Variants in SIK3 observed in about 807,000 individuals in gnomAD.
SIK3 encodes the protein SIK family kinase 3.
SIK3 carries 28 observed loss-of-function variants against 144.2 expected under a neutral mutation model. The ratio of observed to expected loss-of-function variants is 0.19; its 90% CI spans 0.14 to 0.27. The LOEUF is 0.27. SIK3 is among the 10% of genes least tolerant of loss of function. The pLI, the probability that SIK3 is intolerant of heterozygous loss-of-function variation, is 1.00. For synonymous variants in SIK3, 686 were observed against 676.3 expected (o/e 1.01, Z -0.22); for missense variants, 1,319 against 1,776.0 (o/e 0.74, Z 4.62).
chr11:117,097,622 T>A (rs1955535588), intron 1 of SIK3, among the ~76,000 whole-genome samples: 1 of 152,188 alleles, frequency 6.6e-6, no homozygotes, highest in South Asian at 2.1e-4. Flanking sequence ...GGCACCAGGA[T>A]CCTGGGACCT....
At chr11:116,890,977 G>T (rs777150230) in intron 6 of SIK3, among the ~76,000 whole-genome samples, 1 of 152,130 alleles carries the variant, frequency 6.6e-6, no homozygotes, top group African/African-American at 2.4e-5. Flanking sequence ...AAATGGAATA[G>T]AATAAAATAT....
At chr11:117,097,808 G>A (rs1259134120) in intron 1 of SIK3, among the ~76,000 whole-genome samples, 1 of 152,026 alleles carries the variant, frequency 6.6e-6, no homozygotes, top group Non-Finnish European at 1.5e-5. Context: ...AGAGTCTTCT[G>A]GGCTTACAGT....
intron 1 of SIK3, among the ~76,000 whole-genome samples, chr11:116,990,188 T>C (rs1950453770): frequency 6.6e-6 from 1 of 152,174 alleles, no homozygotes; most frequent in Non-Finnish European, 1.5e-5. Context: ...TACTTACCAA[T>C]ACCAATCACT....
intron 1 of SIK3, among the ~76,000 whole-genome samples, chr11:116,957,501 T>C (rs1344663691): frequency 6.6e-6 from 1 of 152,192 alleles, no homozygotes; most frequent in Non-Finnish European, 1.5e-5. Flanking sequence ...TAAGGTTCTA[T>C]GAGAACTTTC....
At chr11:116,894,429 A>G (rs1326102787) in intron 6 of SIK3, among the ~76,000 whole-genome samples, 1 of 152,172 alleles carries the variant, frequency 6.6e-6, no homozygotes. Context: ...CATGTCTAAA[A>G]CATCTCTCCA....
chr11:117,072,380 C>T (rs901231840), intron 1 of SIK3, among the ~76,000 whole-genome samples: 3 of 151,458 alleles, frequency 2.0e-5, no homozygotes, highest in Admixed American at 6.6e-5. Context: ...AGCAAAACTC[C>T]GTCTCAAAAA....
At chr11:117,033,804 G>T (rs1319999669) in intron 1 of SIK3, among the ~76,000 whole-genome samples, 1 of 151,306 alleles carries the variant, frequency 6.6e-6, no homozygotes, top group Admixed American at 6.6e-5. Flanking sequence ...TCTGATAATG[G>T]ATATAAGAAG....
intron 6 of SIK3, among the ~76,000 whole-genome samples, chr11:116,884,615 T>A (rs1432878700): frequency 1.3e-5 from 2 of 151,984 alleles, no homozygotes; most frequent in African/African-American, 2.4e-5. Flanking sequence ...CATCTCGGCC[T>A]CCCAAAGTGA....
chr11:116,955,514 A>T (rs1949106925), intron 2 of SIK3, among the ~76,000 whole-genome samples: 1 of 152,252 alleles, frequency 6.6e-6, no homozygotes, highest in Non-Finnish European at 1.5e-5. Context: ...GGAAATCCTC[A>T]TAGGCTAATC....
At chr11:117,079,261 C>G (rs1410320787) in intron 1 of SIK3, among the ~76,000 whole-genome samples, 5 of 152,154 alleles carry the variant, frequency 3.3e-5, no homozygotes, top group Admixed American at 6.5e-5. Context: ...GAAAAGACAG[C>G]ACACTCAATG....
chr11:116,921,242 T>C (rs1408021565), intron 4 of SIK3, among the ~76,000 whole-genome samples: 1 of 152,220 alleles, frequency 6.6e-6, no homozygotes, highest in Non-Finnish European at 1.5e-5. Context: ...ACTTTTTTAA[T>C]AAGATATATT....
intron 14 of SIK3, chr11:116,869,629 C>T (rs991982645): frequency 1.3e-5 from 2 of 152,460 alleles, no homozygotes; most frequent in East Asian, 1.9e-4. Context: ...CTGGTGAAAC[C>T]CCCTCCCCGG....
intron 1 of SIK3, among the ~76,000 whole-genome samples, chr11:117,028,698 C>T (rs73594168): frequency 0.056 from 8,499 of 151,992 alleles, 517 homozygotes; most frequent in African/African-American, 0.15. Context: ...GTTGAGGAAA[C>T]TAGCTCAGCA....
At chr11:116,912,234 A>G (rs962454040) in intron 4 of SIK3, among the ~76,000 whole-genome samples, 1 of 152,218 alleles carries the variant, frequency 6.6e-6, no homozygotes, top group Non-Finnish European at 1.5e-5. Flanking sequence ...CTTACTATCA[A>G]TTTTGAGACT....
chr11:116,895,186 G>A (rs925049335), intron 6 of SIK3, among the ~76,000 whole-genome samples: 8 of 151,808 alleles, frequency 5.3e-5, no homozygotes, highest in African/African-American at 1.9e-4. Context: ...TTCCAGGCAC[G>A]CAGGCCTCCT....
chr11:116,896,442 T>C, intron 5 of SIK3, 66 bp from the exon 6 acceptor site: 2 of 1,559,530 alleles, frequency 1.3e-6, no homozygotes, highest in Non-Finnish European at 1.8e-6. Context: ...ACTACTGTAG[T>C]GTGTGTATGC....
chr11:116,932,107 G>C (rs987535835), intron 3 of SIK3, among the ~76,000 whole-genome samples: 1 of 151,980 alleles, frequency 6.6e-6, no homozygotes, highest in African/African-American at 2.4e-5. Context: ...TTAACTCTAC[G>C]TTCAAATCAT....
chr11:116,978,173 G>A (rs1036565144), intron 1 of SIK3, among the ~76,000 whole-genome samples: 8 of 151,516 alleles, frequency 5.3e-5, no homozygotes. Context: ...AGCCGAAATC[G>A]CACCACTGCA....
intron 1 of SIK3, among the ~76,000 whole-genome samples, chr11:117,025,725 C>T (rs73594158): frequency 0.056 from 8,588 of 152,156 alleles, 523 homozygotes; most frequent in African/African-American, 0.15. Context: ...ATCCACCACA[C>T]CCAGCCTATA....
Sources: allele counts gnomAD v4.1 joint callset (sites outside exome capture counted in the v4.1 genomes callset), GRCh38; gene constraint gnomAD v4.1.1; transcripts MANE v1.5; gene names NCBI Gene and HGNC (gene_info 2026-07-23, HGNC 2026-07-21).